ADGRG1: variants seen among roughly 807,000 people sequenced by gnomAD.
ADGRG1 encodes adhesion G protein-coupled receptor G1.
In ADGRG1, 53 loss-of-function variants were observed where a neutral mutation model predicts 73.5. That is an observed-to-expected ratio of 0.72 (90% CI 0.58 to 0.91). The LOEUF (loss-of-function observed/expected upper bound fraction) is 0.91, where lower values mean the gene tolerates loss of function less well. Among genes scored for constraint, ADGRG1 ranks in the 40% least tolerant of loss-of-function variants. The pLI, the probability that ADGRG1 is intolerant of heterozygous loss-of-function variation, is 0.00. For missense variants in ADGRG1, 795 were observed against 871.8 expected (o/e 0.91, Z 1.11); for synonymous variants, 394 against 374.4 (o/e 1.05, Z -0.60).
chr16:57,636,342 GA>G (rs1169987558), intron 1 of ADGRG1: 1 of 985,272 alleles, frequency 1.0e-6, no homozygotes, highest in Admixed American at 6.1e-5. Context: ...AGTGGCATAG[GA>G]AAGGCATGCG....
rs574363112 is a variant in ADGRG1, at chr16:57,650,496, A to C, written c.64+145A>C. On this transcript the variant is annotated intron_variant, in intron 2 of 13. Coordinates refer to ENST00000562631, the MANE Select transcript of ADGRG1 (RefSeq NM_201525.4). ...GGTACCTTGGAGAAAAGCAAAAGAC[A>C]CTCCTTCCTTCTGGCAGGTGCAGCC... 562 of 1,460,876 alleles carry C rather than the reference A, an allele frequency of 3.8e-4. No homozygotes were observed. In the African/African-American group the frequency reaches 5.3e-3, roughly 14 times the overall value. 90.5% of individuals were successfully genotyped at this position (1,460,876 alleles called of 1,614,324 possible). A position where few individuals can be genotyped will look rare whatever the true frequency, so the allele number is the denominator to read the frequency against.
At chr16:57,662,080 C>A in intron 13 of ADGRG1, 115 bp downstream of exon 13, 1 of 869,834 alleles carries the variant, frequency 1.1e-6, no homozygotes, top group Non-Finnish European at 2.0e-6. Context: ...TCAGTCATCC[C>A]ATTCATAAAA....
At chr16:57,659,068 G>C in intron 10 of ADGRG1, 1 of 985,404 alleles carries the variant, frequency 1.0e-6, no homozygotes, top group Non-Finnish European at 1.2e-6. Flanking sequence ...ACAGAATGTG[G>C]ATGGCATGGA....
At chr16:57,637,446 G>A in intron 1 of ADGRG1, 1 of 985,280 alleles carries the variant, frequency 1.0e-6, no homozygotes, top group African/African-American at 1.7e-5. Flanking sequence ...TAAAAGGCGT[G>A]GTGTGCCTCG....
chr16:57,653,181 G>A (rs1486353066), intron 3 of ADGRG1, 22 bp from the exon 4 acceptor site: 1 of 1,604,860 alleles, frequency 6.2e-7, no homozygotes, highest in Admixed American at 1.7e-5. Context: ...CCTCGGCGGG[G>A]GCCTGTCCAC....
In ADGRG1 at chr16:57,663,735, C is replaced by T. The variant is rs1227145170; in HGVS notation, c.*153C>T. The T allele has an allele frequency of 2.2e-5, 18 of 823,788 alleles. No individual in the cohort carries two copies. The highest frequency in any genetic ancestry group is 5.3e-5 in the East Asian group (2 of 37,650). The allele number at this position is 823,788 out of a possible 1,614,324, so 51.0% of individuals were successfully genotyped here. A position where few individuals can be genotyped will look rare whatever the true frequency, so the allele number is the denominator to read the frequency against. Reference sequence around the variant, plus strand: ...AGAGATGGGCCGTTGCCATGGTGGACGGACTCCCGGGCTGGGCTTTTGAAT... The same window carrying T: ...AGAGATGGGCCGTTGCCATGGTGGATGGACTCCCGGGCTGGGCTTTTGAAT... On this transcript the variant is annotated 3_prime_UTR_variant, in exon 14 of 14. Transcript: ENST00000562631.
chr16:57,623,806 C>T (rs770732239), upstream of ADGRG1: 142 of 985,242 alleles, frequency 1.4e-4, 1 homozygote, highest in Non-Finnish European at 1.5e-4. Flanking sequence ...GGTACCCCCA[C>T]GCCTGTGTCC....
chr16:57,642,412 A>AAAGGGG (rs1234399908), intron 1 of ADGRG1: 1 of 985,044 alleles, frequency 1.0e-6, no homozygotes, highest in African/African-American at 1.7e-5. Context: ...GGGACAGCTC[A>AAAGGGG]AAGGGGAAGG....
At chr16:57,656,362 C>T in intron 8 of ADGRG1, 91 bp downstream of exon 8, 1 of 1,611,188 alleles carries the variant, frequency 6.2e-7, no homozygotes, top group Non-Finnish European at 8.5e-7. Flanking sequence ...TCACCGAGGG[C>T]TTCCTGGAGA....
At chr16:57,649,384 TCC>T (rs2043464335) in intron 1 of ADGRG1, among the ~76,000 whole-genome samples, 1 of 152,138 alleles carries the variant, frequency 6.6e-6, no homozygotes, top group African/African-American at 2.4e-5. Flanking sequence ...AATGCACGTC[TCC>T]CACTACCTGG....
chr16:57,654,293 T>G lies in ADGRG1; in HGVS notation c.768+160T>G, dbSNP rs186330824. ...GAGGATAGCCATCCTAAGTCAGTAG[T>G]TCAACCGTGGGATTGAGGACCCTGT... On this transcript the variant is annotated intron_variant, in intron 5 of 13. Transcript: ENST00000562631. Among the ~76,000 whole-genome samples the G allele has an allele frequency of 3.0e-3, 451 of 152,214 alleles. 1 individual carries two copies. The highest frequency in any genetic ancestry group is 0.01 in the African/African-American group (423 of 41,534).
chr16:57,630,819 T>C, intron 1 of ADGRG1: 1 of 387,998 alleles, frequency 2.6e-6, no homozygotes, highest in Non-Finnish European at 3.5e-6. Context: ...GTATGAGCAC[T>C]GTAGGGGGAG....
chr16:57,620,515 C>T (rs763866239), upstream of ADGRG1, among the ~76,000 whole-genome samples: 22 of 152,200 alleles, frequency 1.4e-4, no homozygotes, highest in South Asian at 4.1e-4. Context: ...GCCTGCTTTC[C>T]GCAGCGCCCT....
At chr16:57,630,090 T>A in intron 1 of ADGRG1, 2 of 829,090 alleles carry the variant, frequency 2.4e-6, no homozygotes, top group Non-Finnish European at 2.9e-6. Flanking sequence ...CTGTGCACTC[T>A]GTGCTCTGTC....
intron 1 of ADGRG1, chr16:57,633,108 C>T: frequency 2.9e-6 from 1 of 339,166 alleles, no homozygotes; most frequent in Non-Finnish European, 4.2e-6. Context: ...ACTTGCATTC[C>T]ACTGCCAAAG....
upstream of ADGRG1, chr16:57,625,528 G>A (rs1403529525): frequency 2.6e-5 from 26 of 981,536 alleles, no homozygotes; most frequent in African/African-American, 8.8e-5. Context: ...GGCCCCATCC[G>A]GACCCAACTT....
upstream of ADGRG1, chr16:57,622,925 C>G: frequency 1.0e-6 from 1 of 985,434 alleles, no homozygotes; most frequent in Non-Finnish European, 1.2e-6. Flanking sequence ...CCCGGCAGGG[C>G]AGGGACAGGG....
chr16:57,638,582 T>C (rs1432121160), intron 1 of ADGRG1, among the ~76,000 whole-genome samples: 2 of 152,194 alleles, frequency 1.3e-5, no homozygotes, highest in African/African-American at 4.8e-5. Flanking sequence ...TGAGGAGGCT[T>C]CCTGGAGGAG....
upstream of ADGRG1, chr16:57,623,765 T>G (rs1596930272): frequency 1.0e-6 from 1 of 984,524 alleles, no homozygotes; most frequent in Non-Finnish European, 1.2e-6. Flanking sequence ...GAGGCGGGTG[T>G]GATGGGAGAT....
Sources: allele counts gnomAD v4.1 joint callset (sites outside exome capture counted in the v4.1 genomes callset), GRCh38; gene constraint gnomAD v4.1.1; transcripts MANE v1.5; gene names NCBI Gene and HGNC (gene_info 2026-07-23, HGNC 2026-07-21).